MCTP1: variants seen among roughly 807,000 people sequenced by gnomAD.
MCTP1 encodes multiple C2 and transmembrane domain containing 1.
In MCTP1, 69 loss-of-function variants were observed where a neutral mutation model predicts 120.6. The observed-to-expected ratio is 0.57, with a 90% confidence interval of 0.47 to 0.70. The LOEUF is 0.70. Among genes scored for constraint, MCTP1 ranks in the 30% least tolerant of loss-of-function variants. The pLI is 0.00. For missense variants in MCTP1, 1,203 were observed against 1,248.8 expected (o/e 0.96, Z 0.55); for synonymous variants, 529 against 493.1 (o/e 1.07, Z -0.96).
At chr5:94,969,496 A>C (rs1826308240) in intron 2 of MCTP1, among the ~76,000 whole-genome samples, 1 of 152,176 alleles carries the variant, frequency 6.6e-6, no homozygotes, top group South Asian at 2.1e-4. Flanking sequence ...AATGAAACAG[A>C]AACAGCTACT....
chr5:94,814,797 C>G (rs185763042), intron 17 of MCTP1, among the ~76,000 whole-genome samples: 1 of 152,070 alleles, frequency 6.6e-6, no homozygotes, highest in Non-Finnish European at 1.5e-5. Context: ...AACCTTGGCA[C>G]AGGAGAATGA....
chr5:94,941,670 T>C (rs1181368134), intron 4 of MCTP1, among the ~76,000 whole-genome samples: 3 of 152,042 alleles, frequency 2.0e-5, no homozygotes, highest in Non-Finnish European at 2.9e-5. Context: ...GCATGCATGA[T>C]CTTTTCTAAT....
chr5:95,251,130 G>T (rs1277318418), intron 1 of MCTP1, among the ~76,000 whole-genome samples: 1 of 152,104 alleles, frequency 6.6e-6, no homozygotes, highest in African/African-American at 2.4e-5. Flanking sequence ...GCAGAAGCAA[G>T]AAAGAGCATG....
intron 7 of MCTP1, among the ~76,000 whole-genome samples, chr5:94,922,607 G>A (rs1811968163): frequency 6.6e-6 from 1 of 152,108 alleles, no homozygotes; most frequent in African/African-American, 2.4e-5. Context: ...TCCTGCCTCA[G>A]CCTCCTGAGT....
At chr5:94,742,204 A>AT (rs1243328086) in intron 19 of MCTP1, among the ~76,000 whole-genome samples, 1 of 152,068 alleles carries the variant, frequency 6.6e-6, no homozygotes, top group Admixed American at 6.5e-5. Context: ...ATGTTTTTAA[A>AT]TTTTTTTAAA....
At chr5:95,197,704 G>A (rs1232845301) in intron 1 of MCTP1, among the ~76,000 whole-genome samples, 1 of 152,014 alleles carries the variant, frequency 6.6e-6, no homozygotes, top group Non-Finnish European at 1.5e-5. Flanking sequence ...ATAAGTTTTT[G>A]TAGATATCTC....
At chr5:94,897,311 C>G (rs11748784) in intron 10 of MCTP1, among the ~76,000 whole-genome samples, 18,202 of 150,454 alleles carry the variant, frequency 0.12, 1,177 homozygotes, top group Non-Finnish European at 0.14. Flanking sequence ...TGGGCTCAAG[C>G]AATCCACCTG....
At chr5:95,258,259 G>A (rs1406349213) in intron 1 of MCTP1, among the ~76,000 whole-genome samples, 2 of 152,154 alleles carry the variant, frequency 1.3e-5, no homozygotes, top group East Asian at 1.9e-4. Flanking sequence ...CATGTTGATA[G>A]TACGTACCCT....
intron 1 of MCTP1, among the ~76,000 whole-genome samples, chr5:95,137,522 G>T (rs1340493921): frequency 6.6e-6 from 1 of 152,176 alleles, no homozygotes; most frequent in African/African-American, 2.4e-5. Context: ...CAAAGATTTT[G>T]CCTCTCTTAA....
intron 1 of MCTP1, among the ~76,000 whole-genome samples, chr5:95,052,766 C>A (rs7729095): frequency 2.0e-5 from 3 of 152,088 alleles, no homozygotes; most frequent in South Asian, 2.1e-4. Context: ...CAGGTTAAAC[C>A]TATGATCCTG....
intron 1 of MCTP1, among the ~76,000 whole-genome samples, chr5:95,141,447 C>T (rs193281658): frequency 4.4e-4 from 67 of 152,328 alleles, no homozygotes; most frequent in Non-Finnish European, 9.0e-4. Context: ...CTTGTGAACA[C>T]AGCTGGGGTA....
At chr5:95,003,926 GT>G (rs749427367) in intron 2 of MCTP1, among the ~76,000 whole-genome samples, 49 of 152,198 alleles carry the variant, frequency 3.2e-4, no homozygotes, top group Non-Finnish European at 6.5e-4. Context: ...GGTTGGAACA[GT>G]TTTGAGGGCT....
At chr5:94,728,448 TA>T (rs1420965665) in intron 19 of MCTP1, among the ~76,000 whole-genome samples, 1 of 152,176 alleles carries the variant, frequency 6.6e-6, no homozygotes, top group Non-Finnish European at 1.5e-5. Flanking sequence ...GCATTTACAA[TA>T]AAAGTGGGAT....
chr5:94,918,685 T>C (rs754685862), intron 7 of MCTP1, among the ~76,000 whole-genome samples: 1 of 152,144 alleles, frequency 6.6e-6, no homozygotes, highest in Non-Finnish European at 1.5e-5. Flanking sequence ...TTCTTAACAA[T>C]AGTATTATGA....
At chr5:94,812,859 A>G (rs1356633963) in intron 17 of MCTP1, among the ~76,000 whole-genome samples, 1 of 151,932 alleles carries the variant, frequency 6.6e-6, no homozygotes, top group Non-Finnish European at 1.5e-5. Flanking sequence ...CCTTGGGGTA[A>G]GCAAGGTATT....
chr5:94,959,582 A>C (rs1823606437), intron 2 of MCTP1, among the ~76,000 whole-genome samples: 1 of 152,234 alleles, frequency 6.6e-6, no homozygotes, highest in South Asian at 2.1e-4. Flanking sequence ...CTCAGGATAC[A>C]AAGTCAATGT....
intron 1 of MCTP1, among the ~76,000 whole-genome samples, chr5:95,089,986 G>C (rs1755718803): frequency 1.3e-5 from 2 of 152,066 alleles, no homozygotes; most frequent in Admixed American, 6.5e-5. Flanking sequence ...CCCACACTCA[G>C]GCCTCTCCCC....
chr5:94,875,389 G>T (rs12518627), intron 12 of MCTP1, among the ~76,000 whole-genome samples: 30 of 151,800 alleles, frequency 2.0e-4, no homozygotes, highest in African/African-American at 4.1e-4. Context: ...TTGGACAGGT[G>T]GGGGGTTGGA....
At chr5:94,965,469 T>G (rs1825354045) in intron 2 of MCTP1, among the ~76,000 whole-genome samples, 2 of 152,146 alleles carry the variant, frequency 1.3e-5, no homozygotes, top group South Asian at 4.1e-4. Flanking sequence ...TAGTGTGGTG[T>G]AACCTTTCAC....
Sources: allele counts gnomAD v4.1 joint callset (sites outside exome capture counted in the v4.1 genomes callset), GRCh38; gene constraint gnomAD v4.1.1; transcripts MANE v1.5; gene names NCBI Gene and HGNC (gene_info 2026-07-23, HGNC 2026-07-21).